RIT2: variants seen among roughly 807,000 people sequenced by gnomAD.
The protein encoded by RIT2 is GTP-binding protein Rit2.
RIT2 carries 24 observed loss-of-function variants against 23.7 expected under a neutral mutation model. The observed-to-expected ratio is 1.01, with a 90% CI of 0.73 to 1.43. The LOEUF (loss-of-function observed/expected upper bound fraction) is 1.43, where lower values mean the gene tolerates loss of function less well. Ranked by LOEUF, RIT2 falls within the 40% of genes most tolerant of loss-of-function variation. The pLI, the probability that RIT2 is intolerant of heterozygous loss-of-function variation, is 0.00. For synonymous variants in RIT2, 107 were observed against 91.1 expected (o/e 1.17, Z -0.99); for missense variants, 236 against 266.9 (o/e 0.88, Z 0.81).
intron 1 of RIT2, among the ~76,000 whole-genome samples, chr18:43,109,213 C>T (rs538128598): frequency 2.0e-5 from 3 of 152,240 alleles, no homozygotes; most frequent in African/African-American, 2.4e-5. Context: ...TGCACATGGC[C>T]GTGGGAGAGA....
At chr18:42,986,187 C>A (rs1018924791) in intron 2 of RIT2, among the ~76,000 whole-genome samples, 21 of 151,360 alleles carry the variant, frequency 1.4e-4, no homozygotes, top group African/African-American at 5.1e-4. Context: ...TTACAGGCAC[C>A]CACCACCACG....
At chr18:42,786,894 A>G (rs1213010641) in intron 4 of RIT2, among the ~76,000 whole-genome samples, 2 of 152,164 alleles carry the variant, frequency 1.3e-5, no homozygotes, top group Non-Finnish European at 2.9e-5. Context: ...CAGAATTTCT[A>G]CAGCTCTGAT....
intron 1 of RIT2, among the ~76,000 whole-genome samples, chr18:43,039,510 G>A (rs1448469895): frequency 1.3e-5 from 2 of 151,712 alleles, no homozygotes; most frequent in Admixed American, 6.6e-5. Flanking sequence ...CACCATGCCC[G>A]ACTAATTTTG....
intron 1 of RIT2, among the ~76,000 whole-genome samples, chr18:43,046,932 C>T (rs1165418197): frequency 6.6e-6 from 1 of 152,082 alleles, no homozygotes; most frequent in Non-Finnish European, 1.5e-5. Flanking sequence ...TCAGGGTGCT[C>T]AGTAATTTTC....
At position 43,063,464 on chromosome 18, in the gene RIT2, A is replaced by T. The variant is rs539064153; in HGVS notation, c.104-29597T>A. ...TTTGTGTAAGAACTTATTTTGGGAC[A>T]TTGATAACCCTTAGGCATTAACAAT... On this transcript the variant is annotated intron_variant, in intron 1 of 4. Transcript: ENST00000326695. Among the ~76,000 whole-genome samples, 15 of 152,270 alleles carry T rather than the reference A, an allele frequency of 9.9e-5. No individual in the cohort carries two copies. The East Asian group carries it at 2.9e-3, about 29-fold the overall frequency.
At chr18:43,043,188 C>T (rs996702094) in intron 1 of RIT2, among the ~76,000 whole-genome samples, 1 of 151,746 alleles carries the variant, frequency 6.6e-6, no homozygotes, top group Admixed American at 6.6e-5. Flanking sequence ...GATTTATAAC[C>T]TTACAAAATT....
At chr18:42,997,246 G>GT (rs1911005908) in intron 2 of RIT2, among the ~76,000 whole-genome samples, 1 of 152,140 alleles carries the variant, frequency 6.6e-6, no homozygotes, top group Non-Finnish European at 1.5e-5. Context: ...TATGTGGTTA[G>GT]GGGCTATCAG....
At chr18:43,059,132 A>T (rs1259571087) in intron 1 of RIT2, among the ~76,000 whole-genome samples, 1 of 152,048 alleles carries the variant, frequency 6.6e-6, no homozygotes, top group African/African-American at 2.4e-5. Flanking sequence ...GAATGACATG[A>T]TCATCTTTTT....
At chr18:42,881,594 T>C (rs980849309) in intron 4 of RIT2, among the ~76,000 whole-genome samples, 1 of 152,196 alleles carries the variant, frequency 6.6e-6, no homozygotes, top group African/African-American at 2.4e-5. Flanking sequence ...GACTTGAGAT[T>C]CTTGAAATTG....
chr18:43,113,053 C>T (rs1334143166), intron 1 of RIT2, among the ~76,000 whole-genome samples: 1 of 152,056 alleles, frequency 6.6e-6, no homozygotes, highest in East Asian at 1.9e-4. Flanking sequence ...ATGATCATGC[C>T]ACTGCACCCC....
chr18:42,827,382 T>G (rs1906325671), intron 4 of RIT2, among the ~76,000 whole-genome samples: 1 of 152,052 alleles, frequency 6.6e-6, no homozygotes, highest in African/African-American at 2.4e-5. Context: ...AAGACTGACT[T>G]AAAGACCTCA....
chr18:43,021,717 A>T (rs1217655944), intron 2 of RIT2, among the ~76,000 whole-genome samples: 1 of 152,032 alleles, frequency 6.6e-6, no homozygotes, highest in Non-Finnish European at 1.5e-5. Flanking sequence ...TTTGCCTTCC[A>T]CCATGATTGT....
intron 4 of RIT2, among the ~76,000 whole-genome samples, chr18:42,913,374 A>C (rs1478713171): frequency 6.6e-6 from 1 of 151,958 alleles, no homozygotes; most frequent in Non-Finnish European, 1.5e-5. Context: ...AAGAGGGAAA[A>C]AATCAATACA....
chr18:42,999,988 T>A (rs1819069624), intron 2 of RIT2, among the ~76,000 whole-genome samples: 1 of 152,056 alleles, frequency 6.6e-6, no homozygotes, highest in Non-Finnish European at 1.5e-5. Context: ...AATCTCCTTT[T>A]TCAGATTAAT....
At chr18:42,745,378 A>G (rs1912893692) in intron 4 of RIT2, among the ~76,000 whole-genome samples, 1 of 152,200 alleles carries the variant, frequency 6.6e-6, no homozygotes, top group Non-Finnish European at 1.5e-5. Flanking sequence ...AACACATCAT[A>G]TGGTTAATAA....
intron 2 of RIT2, among the ~76,000 whole-genome samples, chr18:43,013,705 G>C (rs868070530): frequency 6.6e-6 from 1 of 151,484 alleles, no homozygotes. Context: ...GTAACTATCT[G>C]TATGATGCAT....
At chr18:42,859,774 A>T (rs1316198218) in intron 4 of RIT2, among the ~76,000 whole-genome samples, 2 of 149,252 alleles carry the variant, frequency 1.3e-5, no homozygotes, top group African/African-American at 2.4e-5. Context: ...AGTTCAAGTT[A>T]ATTTTTTTTT....
chr18:43,048,183 T>C (rs571172008), intron 1 of RIT2, among the ~76,000 whole-genome samples: 68 of 152,324 alleles, frequency 4.5e-4, no homozygotes, highest in Non-Finnish European at 6.9e-4. Context: ...GGTTGTATTA[T>C]ATGGGTTCGC....
intron 4 of RIT2, among the ~76,000 whole-genome samples, chr18:42,886,421 G>A (rs1164092904): frequency 1.3e-5 from 2 of 152,170 alleles, no homozygotes; most frequent in African/African-American, 2.4e-5. Flanking sequence ...TTAATAAATT[G>A]AGATGTTCAG....
Sources: allele counts gnomAD v4.1 joint callset (sites outside exome capture counted in the v4.1 genomes callset), GRCh38; gene constraint gnomAD v4.1.1; transcripts MANE v1.5; gene names NCBI Gene and HGNC (gene_info 2026-07-23, HGNC 2026-07-21).